Variants in DCHS2 observed in about 807,000 individuals in gnomAD.
DCHS2 encodes protocadherin-23.
Under a neutral mutation model 182.4 loss-of-function variants are expected in DCHS2, and 142 were observed. The ratio of observed to expected loss-of-function variants is 0.78; its 90% CI spans 0.68 to 0.89. DCHS2 has a LOEUF of 0.89. Ranked by LOEUF, DCHS2 falls within the 40% of genes least tolerant of loss-of-function variation. The pLI is 0.00. For missense variants in DCHS2, 4,319 were observed against 4,198.6 expected, an observed-to-expected ratio of 1.03 and a Z score of -0.79; for synonymous variants, 1,740 against 1,663.3, an observed-to-expected ratio of 1.05 and a Z score of -1.12.
chr4:154,388,227 A>G (rs79018259), intron 1 of DCHS2, among the ~76,000 whole-genome samples: 1,658 of 152,248 alleles, frequency 0.011, 22 homozygotes, highest in African/African-American at 0.035. Flanking sequence ...TAAATAAATT[A>G]AAATTCATTC....
chr4:154,321,658 CCATA>C (rs1736067383), intron 8 of DCHS2, among the ~76,000 whole-genome samples: 2 of 152,248 alleles, frequency 1.3e-5, no homozygotes, highest in South Asian at 4.1e-4. Context: ...GGAGGTATGA[CCATA>C]CAGATTTTTC....
At position 154,232,534 on chromosome 4, in the gene DCHS2, C is replaced by T. The variant is rs1454236623; in HGVS notation, c.*2002G>A. 1 of 152,072 alleles carries T rather than the reference C, an allele frequency of 6.6e-6. No homozygotes were observed. The highest frequency in any genetic ancestry group is 1.9e-4 in the East Asian group (1 of 5,204). 9.4% of individuals were successfully genotyped at this position (152,072 alleles called of 1,614,324 possible). A position where few individuals can be genotyped will look rare whatever the true frequency, so the allele number is the denominator to read the frequency against. On this transcript the variant is annotated 3_prime_UTR_variant, in exon 20 of 20. Coordinates refer to ENST00000357232, the MANE Select transcript of DCHS2 (RefSeq NM_001358235.2). ...AGGTAGATGAATAACTCTTTTTAAG[C>T]ATAAGTAAATGAAGAACCTGTTTAA...
At chr4:154,289,353 CAT>C (rs550845055) in intron 13 of DCHS2, among the ~76,000 whole-genome samples, 23 of 151,904 alleles carry the variant, frequency 1.5e-4, no homozygotes, top group Non-Finnish European at 2.9e-4. Flanking sequence ...TGGATAAATT[CAT>C]AGACACATAT....
intron 1 of DCHS2, among the ~76,000 whole-genome samples, chr4:154,477,186 C>T (rs1735720527): frequency 6.6e-6 from 1 of 152,194 alleles, no homozygotes; most frequent in South Asian, 2.1e-4. Flanking sequence ...GAGGGCCCTC[C>T]TCCTGGTTTG....
At chr4:154,377,231 A>G in intron 2 of DCHS2, 22 bp downstream of exon 2, 1 of 1,606,060 alleles carries the variant, frequency 6.2e-7, no homozygotes, top group Non-Finnish European at 8.5e-7. Flanking sequence ...GTTTAAAATA[A>G]ACTTCATACA....
chr4:154,490,115 T>A lies in DCHS2; in HGVS notation c.1241A>T (p.His414Leu). ...GCCTCCCTCTGTGAGAAAGAGCACG[T>A]GAATTGCTGGCCGGTTGTCATTCAC... ...LDVNDNRPAI[H>L]VLFLTEGGVA... Residue 414 changes from histidine to leucine, a missense_variant, in exon 1 of 20, where the codon CAC becomes CTC. By Grantham distance (99) the His-to-Leu change is moderately conservative. Transcript: ENST00000357232. 6.5e-7 allele frequency: 1 copy of A among 1,548,370 alleles called. No individual in the cohort carries two copies. Among genetic ancestry groups the A allele is most frequent in the Non-Finnish European group, 8.7e-7 (1 of 1,145,672 alleles).
chr4:154,302,116 G>A (rs991585267), intron 12 of DCHS2, among the ~76,000 whole-genome samples: 33 of 151,972 alleles, frequency 2.2e-4, no homozygotes, highest in African/African-American at 6.5e-4. Flanking sequence ...AGTCCATTAC[G>A]TTATGGTAAA....
intron 10 of DCHS2, among the ~76,000 whole-genome samples, chr4:154,312,699 T>G (rs548074248): frequency 6.6e-6 from 1 of 152,254 alleles, no homozygotes; most frequent in South Asian, 2.1e-4. Flanking sequence ...ATAAACTGAA[T>G]AGCCAGATAG....
chr4:154,246,957 A>G (rs1160209902), intron 16 of DCHS2, among the ~76,000 whole-genome samples: 2 of 152,160 alleles, frequency 1.3e-5, no homozygotes, highest in Non-Finnish European at 2.9e-5. Flanking sequence ...ACAGGGCAAA[A>G]CAACAAAACA....
At chr4:154,397,094 G>C (rs1403887792) in intron 1 of DCHS2, among the ~76,000 whole-genome samples, 1 of 152,184 alleles carries the variant, frequency 6.6e-6, no homozygotes, top group Non-Finnish European at 1.5e-5. Flanking sequence ...AGGAAGCACA[G>C]GGGCATGTAA....
chr4:154,437,403 A>G (rs1300346442), intron 1 of DCHS2, among the ~76,000 whole-genome samples: 3 of 152,232 alleles, frequency 2.0e-5, no homozygotes, highest in Non-Finnish European at 4.4e-5. Context: ...GGCAGCGACT[A>G]CTGAAAGCCT....
chr4:154,419,847 A>C (rs1305991028), intron 1 of DCHS2, among the ~76,000 whole-genome samples: 1 of 149,940 alleles, frequency 6.7e-6, no homozygotes, highest in Non-Finnish European at 1.5e-5. Context: ...GCCAGAGAAG[A>C]ACGTATGAGT....
rs139656763 is a variant in DCHS2 at position 154,271,270 on chromosome 4, C to T, written c.6464-1257G>A. ...AGTGTGGCTTTATGTCAAGAATCAG[C>T]TAATTTTTCTGTCAAGGGCCAGATA... On this transcript the variant is annotated intron_variant, in intron 13 of 19. Transcript: ENST00000357232. Among the ~76,000 whole-genome samples, 512 of 152,170 alleles carry T rather than the reference C, an allele frequency of 3.4e-3. 2 individuals are homozygous for T. Among genetic ancestry groups the T allele is most frequent in the African/African-American group, 0.011 (467 of 41,518 alleles).
In DCHS2 at chr4:154,491,307, C is replaced by T. The variant is rs577658130; in HGVS notation, c.49G>A (p.Ala17Thr). 5.1e-5 allele frequency: 79 copies of T among 1,547,722 alleles called. No individual in the cohort carries two copies. The highest frequency in any genetic ancestry group is 6.5e-5 in the Non-Finnish European group (74 of 1,144,530). Residue 17 changes from alanine to threonine, a missense_variant, in exon 1 of 20, where the codon GCT becomes ACT. Transcript: ENST00000357232. ...AGCAGAAGGAGCTTCCCGACCGGAG[C>T]CCGCCGCTGCTGACGCCCTTCGCCC... ...KMGEGRQQRR[A>T]PVGKLLLLPG...
chr4:154,235,947 A>C lies in DCHS2; in HGVS notation c.8705T>G (p.Val2902Gly). 1 of 1,613,986 alleles carries C rather than the reference A, an allele frequency of 6.2e-7. No individual in the cohort carries two copies. The highest frequency in any genetic ancestry group is 8.5e-7 in the Non-Finnish European group (1 of 1,179,940). Residue 2902 changes from valine (V) to glycine (G), a missense_variant, in exon 20 of 20, where the codon GTG becomes GGG. By Grantham distance (109) the Val-to-Gly change is moderately radical (BLOSUM62 -3). Transcript: ENST00000357232. The stretch of plus-strand genomic sequence containing the variant: ...ACCAGCATCTGCATCTGAGGCTTCC[A>C]CTCTGCCAATCAACTGTCTGTCTTT... Reference protein sequence around the residue: ...KNKDRQLIGRVEASDADAGID... With the variant: ...KNKDRQLIGRGEASDADAGID...
Position 154,260,927 on chromosome 4 carries a change from C to A in DCHS2, c.6578-1171G>T, listed in dbSNP as rs182076476. On this transcript the variant is annotated intron_variant, in intron 14 of 19. Coordinates refer to ENST00000357232, the MANE Select transcript of DCHS2 (RefSeq NM_001358235.2). Reference sequence around the variant, plus strand: ...TGAGGGTGATGCCATACTCTAGTTTCCCCCACCCCCAGCAAATTAAGAAAC... The same window carrying A: ...TGAGGGTGATGCCATACTCTAGTTTACCCCACCCCCAGCAAATTAAGAAAC... 1.8e-3 allele frequency among the ~76,000 whole-genome samples: 281 copies of A among 152,204 alleles called. 1 individual carries two copies. The highest frequency in any genetic ancestry group is 6.5e-3 in the African/African-American group (269 of 41,536).
chr4:154,291,354 A>C (rs1385358539), intron 13 of DCHS2, among the ~76,000 whole-genome samples: 1 of 152,166 alleles, frequency 6.6e-6, no homozygotes, highest in Non-Finnish European at 1.5e-5. Flanking sequence ...AATGTAAATT[A>C]GCTCAACCAC....
At position 154,235,033 on chromosome 4, in the gene DCHS2, TAA is replaced by T; in HGVS notation, c.9617_9618del (p.Phe3206TyrfsTer4). On this transcript the variant is annotated frameshift_variant, in exon 20 of 20. Transcript: ENST00000357232. LOFTEE classifies it low-confidence loss of function (END_TRUNC). ...CACCTTACTTCCTGATCACCTGAAATAAAGACAGACTCTTTTCTAACGTCAGC... is the reference window on the plus strand; with the variant it reads ...CACCTTACTTCCTGATCACCTGAAATAGACAGACTCTTTTCTAACGTCAGC... ...ILADVRKESV[F>X]ISGDQEVRCA... 1 of 1,613,980 alleles carries T rather than the reference TAA, an allele frequency of 6.2e-7. No individual in the cohort carries two copies. The highest frequency in any genetic ancestry group is 1.1e-5 in the South Asian group (1 of 91,080).
rs1008154851 is a variant in DCHS2 at position 154,486,641 on chromosome 4, T to A, written c.2052+2663A>T. On this transcript the variant is annotated intron_variant, in intron 1 of 19. Transcript: ENST00000357232. ...GGTGTCATGAGATTCAAAGGCAAGA[T>A]GGGGGAGTTGGTTTTTGCAAAGTGG... 3.0e-5 allele frequency: 29 copies of A among 959,220 alleles called. No individual in the cohort carries two copies. In the South Asian group the frequency reaches 4.8e-4, roughly 16 times the overall value. 59.4% of individuals were successfully genotyped at this position (959,220 alleles called of 1,614,324 possible). A position where few individuals can be genotyped will look rare whatever the true frequency, so the allele number is the denominator to read the frequency against.
Sources: gnomAD v4.1 joint callset for allele counts (sites outside exome capture counted in the v4.1 genomes callset) on GRCh38, gnomAD v4.1.1 for gene constraint, MANE v1.5 for transcripts, NCBI Gene and HGNC (gene_info 2026-07-23, HGNC 2026-07-21) for gene names.